MYO18A: variants seen among roughly 807,000 people sequenced by gnomAD.
MYO18A encodes the protein myosin XVIIIA.
Under a neutral mutation model 235.8 loss-of-function variants are expected in MYO18A, and 78 were observed. The ratio of observed to expected loss-of-function variants is 0.33; its 90% CI spans 0.28 to 0.40. The LOEUF (loss-of-function observed/expected upper bound fraction) is 0.40, where lower values mean the gene tolerates loss of function less well. MYO18A is among the 10% of genes least tolerant of loss of function. The pLI, the probability that MYO18A is intolerant of heterozygous loss-of-function variation, is 1.00. For missense variants in MYO18A, 2,215 were observed against 2,699.3 expected (o/e 0.82, Z 3.98); for synonymous variants, 977 against 1,077.8 (o/e 0.91, Z 1.83).
At chr17:29,086,897 G>A in intron 38 of MYO18A, 39 bp downstream of exon 38, 1 of 1,580,836 alleles carries the variant, frequency 6.3e-7, no homozygotes, top group Non-Finnish European at 8.6e-7. Context: ...CTACTCAAGG[G>A]GCTGCCATGT....
At position 29,166,791 on chromosome 17, in the gene MYO18A, G is replaced by A; in HGVS notation, c.150C>T (p.Arg50=). The change falls in exon 2 of 42, where the codon CGC becomes CGT. Residue 50 remains arginine (R), a synonymous_variant. Coordinates refer to ENST00000527372, the MANE Select transcript of MYO18A (RefSeq NM_078471.4). ...GCGTCTTGGATTCACGCTTGGAGGA[G>A]CGGTTCAGGTTGAAGAAGCCACGTC... The part of the protein sequence containing the change: ...SLRRGFFNLN[R]SSKRESKTRL... 1.9e-6 allele frequency: 3 copies of A among 1,611,060 alleles called. No individual in the cohort carries two copies. The highest frequency in any genetic ancestry group is 2.5e-6 in the Non-Finnish European group (3 of 1,178,714).
In MYO18A at chr17:29,106,980, G is replaced by C; in HGVS notation, c.3441+100C>G. ...AAAACTGGGAGCCTGAGCAGGGCCA[G>C]ATGAGCTGTCTCCAGGGAAGGGAAG... On this transcript the variant is annotated intron_variant, in intron 20 of 41. Coordinates refer to ENST00000527372, the MANE Select transcript of MYO18A (RefSeq NM_078471.4). This position sits in a 1 kb window ranked among gnomAD's most constrained non-coding sequence, Gnocchi z 4.6. 2 of 1,181,746 alleles carry C rather than the reference G, an allele frequency of 1.7e-6. No individual in the cohort carries two copies. Among genetic ancestry groups the C allele is most frequent in the Non-Finnish European group, 2.5e-6 (2 of 800,550 alleles). 73.2% of individuals were successfully genotyped at this position (1,181,746 alleles called of 1,614,324 possible).
chr17:29,166,271 G>GCAGCTC lies in MYO18A; in HGVS notation c.664_669dup (p.Glu222_Leu223dup), dbSNP rs1178977685. The GCAGCTC allele has an allele frequency of 6.2e-7, 1 of 1,612,896 alleles. No homozygotes were observed. Among genetic ancestry groups the GCAGCTC allele is most frequent in the Admixed American group, 1.7e-5 (1 of 60,032 alleles). ...CCAAAGTCTCCAGTGGGCCGTCGTT[G>GCAGCTC]CAGCTCCAGCTCCCGGAGGGTAGGT... On this transcript the variant is annotated inframe_insertion, in exon 2 of 42. Coordinates refer to ENST00000527372, the MANE Select transcript of MYO18A (RefSeq NM_078471.4).
Position 29,094,060 on chromosome 17 carries a change from G to T in MYO18A, c.4741C>A (p.Arg1581=). The T allele has an allele frequency of 6.2e-7, 1 of 1,611,200 alleles. No homozygotes were observed. Among genetic ancestry groups the T allele is most frequent in the Non-Finnish European group, 8.5e-7 (1 of 1,178,914 alleles). Residue 1581 remains arginine, a synonymous_variant, in exon 31 of 42, where the codon CGG becomes AGG. Transcript: ENST00000527372. ...TCCTTAGAATGGGTCTGTCTCATCC[G>T]CTCCATCTCCATCTCCAGACGCAGC... ...AKLRLEMEME[R]MRQTHSKEME...
At position 29,074,830 on chromosome 17, in the gene MYO18A, G is replaced by C; in HGVS notation, c.6105C>G (p.Tyr2035Ter). ...DPLDNTSRPR[Y>*]SHSYLSDSDT... The stretch of plus-strand genomic sequence containing the variant: ...CGCTGTCACTCAGATAACTGTGGGA[G>C]TATCGCGGTCTGGAGGTGTTGTCGA... Residue 2035 changes from tyrosine (Y) to a stop codon, truncating the protein, a stop_gained, in exon 42 of 42, where the codon TAC becomes TAG. Transcript: ENST00000527372. LOFTEE classifies it high-confidence loss of function. The surrounding 1 kb of genome is among the most constrained non-coding windows in gnomAD (Gnocchi z 4.4). The C allele has an allele frequency of 5.6e-6, 9 of 1,614,016 alleles. No homozygotes were observed. Among genetic ancestry groups the C allele is most frequent in the Non-Finnish European group, 7.6e-6 (9 of 1,179,906 alleles).
chr17:29,078,604 G>A (rs2066041772), intron 41 of MYO18A: 1 of 152,254 alleles, frequency 6.6e-6, no homozygotes, highest in African/African-American at 2.4e-5. Context: ...GCACTCGGGG[G>A]ACATACCTCC....
chr17:29,093,574 C>G (rs370594560), intron 31 of MYO18A, 147 bp from the exon 32 acceptor site: 4 of 670,940 alleles, frequency 6.0e-6, no homozygotes, highest in East Asian at 2.7e-5. Context: ...AACCTAAATT[C>G]CAGGTTTCTA....
At chr17:29,097,688 G>T in intron 26 of MYO18A, 100 bp downstream of exon 26, 1 of 1,017,014 alleles carries the variant, frequency 9.8e-7, no homozygotes. Context: ...TTAGCCCCAT[G>T]GAGGGGAGAC....
chr17:29,123,964 C>T (rs944860346), intron 2 of MYO18A, among the ~76,000 whole-genome samples: 14 of 151,764 alleles, frequency 9.2e-5, no homozygotes, highest in Non-Finnish European at 1.8e-4. Context: ...AGGAGAATGG[C>T]GTGAACCCAG....
At chr17:29,085,174 G>A (rs542968209) in intron 40 of MYO18A, among the ~76,000 whole-genome samples, 20 of 152,332 alleles carry the variant, frequency 1.3e-4, no homozygotes, top group Middle Eastern at 6.8e-3. Flanking sequence ...AAACACGCCC[G>A]CTTCTTTCAG....
intron 34 of MYO18A, 56 bp downstream of exon 34, chr17:29,092,287 C>A (rs1374252375): frequency 2.3e-6 from 3 of 1,319,600 alleles, no homozygotes; most frequent in Non-Finnish European, 3.2e-6. Context: ...GCCACAGAGG[C>A]AGCTCTATTC....
rs2067044486 is a variant in MYO18A at position 29,115,761 on chromosome 17, G to C, written c.2130C>G (p.Ser710=). The change falls in exon 12 of 42, where the codon TCC becomes TCG. Residue 710 remains serine (S), a synonymous_variant. Transcript: ENST00000527372. ...TGTGCTGGTGCTTGAAGATGGCTGA[G>C]GACAGCTCCTCCAGGCTGCAGCCCA... ...YLLGCSLEEL[S]SAIFKHQHKG... 6.3e-7 allele frequency: 1 copy of C among 1,597,596 alleles called. No homozygotes were observed. Among genetic ancestry groups the C allele is most frequent in the African/African-American group, 1.3e-5 (1 of 74,674 alleles).
intron 18 of MYO18A, 128 bp from the exon 19 acceptor site, chr17:29,110,229 AC>A: frequency 7.2e-7 from 1 of 1,392,184 alleles, no homozygotes; most frequent in Non-Finnish European, 9.6e-7. Flanking sequence ...GACATGCTAA[AC>A]CTGGACAACT....
intron 2 of MYO18A, among the ~76,000 whole-genome samples, chr17:29,163,438 C>T (rs756048223): frequency 2.6e-5 from 4 of 152,174 alleles, no homozygotes; most frequent in Non-Finnish European, 5.9e-5. Flanking sequence ...CCACATGGCT[C>T]TAGGAGATGC....
intron 2 of MYO18A, chr17:29,131,246 T>G: frequency 6.2e-6 from 2 of 321,494 alleles, no homozygotes; most frequent in Non-Finnish European, 9.0e-6. Context: ...ACCTACTCCA[T>G]GGAGCTGTCT....
intron 21 of MYO18A, among the ~76,000 whole-genome samples, chr17:29,102,818 T>A (rs1393976631): frequency 1.3e-5 from 2 of 152,160 alleles, no homozygotes; most frequent in African/African-American, 4.8e-5. Flanking sequence ...AGCACCTCCT[T>A]CCACCGCACA....
chr17:29,160,865 TG>T (rs1220089929), intron 2 of MYO18A, among the ~76,000 whole-genome samples: 2 of 152,236 alleles, frequency 1.3e-5, no homozygotes, highest in African/African-American at 4.8e-5. Flanking sequence ...TAGACTTGGC[TG>T]GGAGGGAGTG....
rs565119263 is a variant in MYO18A, at chr17:29,079,819, T to C, written c.6020+2497A>G. On this transcript the variant is annotated intron_variant, in intron 41 of 41. Coordinates refer to ENST00000527372, the MANE Select transcript of MYO18A (RefSeq NM_078471.4). ...CTTTTCCTCCTTCCTCGACGGCCGG[T>C]GCGTCTGCCCAGTTTCTTCACTTTC... 5 of 986,078 alleles carry C rather than the reference T, an allele frequency of 5.1e-6. No individual in the cohort carries two copies. In the East Asian group the frequency reaches 4.5e-4, roughly 90 times the overall value. The allele number at this position is 986,078 out of a possible 1,614,324, so 61.1% of individuals were successfully genotyped here.
At chr17:29,124,942 C>T (rs780615785) in intron 2 of MYO18A, among the ~76,000 whole-genome samples, 2 of 152,130 alleles carry the variant, frequency 1.3e-5, no homozygotes, top group Non-Finnish European at 2.9e-5. Flanking sequence ...AGGAGATGCT[C>T]CTCTAAGTCA....
Sources: gnomAD v4.1 joint callset for allele counts (sites outside exome capture counted in the v4.1 genomes callset) on GRCh38, gnomAD v4.1.1 for gene constraint, Gnocchi (gnomAD v3.1) non-coding constraint, MANE v1.5 for transcripts, NCBI Gene and HGNC (gene_info 2026-07-23, HGNC 2026-07-21) for gene names.